The following RARB variants were observed in gnomAD, a reference collection of about 807,000 sequenced individuals.
RARB encodes retinoic acid receptor beta.
A neutral mutation model predicts 51.9 loss-of-function variants in RARB; 17 were observed. The observed-to-expected ratio is 0.33, with a 90% CI of 0.22 to 0.49. The LOEUF (loss-of-function observed/expected upper bound fraction) is 0.49. Among genes scored for constraint, RARB ranks in the 20% least tolerant of loss-of-function variants. The pLI is 0.99. For synonymous variants in RARB, 215 were observed against 195.4 expected, an observed-to-expected ratio of 1.10 and a Z score of -0.84; for missense variants, 369 against 550.8, an observed-to-expected ratio of 0.67 and a Z score of 3.30.
At chr3:25,319,742 T>C (rs1704516925) in intron 5 of RARB, among the ~76,000 whole-genome samples, 1 of 152,164 alleles carries the variant, frequency 6.6e-6, no homozygotes, top group South Asian at 2.1e-4. Flanking sequence ...AACCCTGCAT[T>C]TGTAGAGTTA....
chr3:24,994,103 C>A (rs2125436936), intron 2 of RARB, among the ~76,000 whole-genome samples: 1 of 152,270 alleles, frequency 6.6e-6, no homozygotes, highest in South Asian at 2.1e-4. Flanking sequence ...GGTGGCTGTA[C>A]TAGTTTACAT....
At chr3:25,427,801 G>A (rs961390624), upstream of RARB, among the ~76,000 whole-genome samples, 1 of 152,136 alleles carries the variant, frequency 6.6e-6, no homozygotes, top group African/African-American at 2.4e-5. Flanking sequence ...TTTTTCTGGA[G>A]TGGAAAAATA....
At chr3:24,974,868 T>C (rs541206722) in intron 2 of RARB, among the ~76,000 whole-genome samples, 2 of 152,274 alleles carry the variant, frequency 1.3e-5, no homozygotes, top group Admixed American at 6.5e-5. Flanking sequence ...TCATTTGCTC[T>C]CTAGTCAGGG....
intron 5 of RARB, among the ~76,000 whole-genome samples, chr3:25,202,697 C>G (rs1465676538): frequency 4.6e-5 from 7 of 152,186 alleles, no homozygotes; most frequent in African/African-American, 1.4e-4. Flanking sequence ...TATATACCCA[C>G]TAGTCATTCA....
intron 5 of RARB, among the ~76,000 whole-genome samples, chr3:25,182,879 G>T (rs1380356236): frequency 6.6e-6 from 1 of 152,112 alleles, no homozygotes; most frequent in African/African-American, 2.4e-5. Context: ...ATAAAAGGGG[G>T]AAATTTAAAC....
At chr3:25,067,715 C>G (rs557164550) in intron 3 of RARB, among the ~76,000 whole-genome samples, 2 of 152,330 alleles carry the variant, frequency 1.3e-5, no homozygotes, top group Admixed American at 1.3e-4. Context: ...GCTTGCACCA[C>G]TATTGCCTTC....
At chr3:25,209,152 G>A (rs548706004) in intron 5 of RARB, among the ~76,000 whole-genome samples, 5 of 152,318 alleles carry the variant, frequency 3.3e-5, no homozygotes, top group South Asian at 2.1e-4. Context: ...TTGGCTTTGC[G>A]TTTTCATGGG....
At chr3:24,978,660 A>G (rs769162118) in intron 2 of RARB, among the ~76,000 whole-genome samples, 2 of 149,810 alleles carry the variant, frequency 1.3e-5, no homozygotes, top group Non-Finnish European at 3.0e-5. Flanking sequence ...TTCTTTATTA[A>G]TCTTGCTATC....
At chr3:25,590,202 C>T (rs1701561478) in intron 5 of RARB, among the ~76,000 whole-genome samples, 1 of 152,206 alleles carries the variant, frequency 6.6e-6, no homozygotes, top group African/African-American at 2.4e-5. Flanking sequence ...TTAAATGACT[C>T]ATCAGAATCC....
At chr3:25,099,552 C>T (rs189414124) in intron 3 of RARB, among the ~76,000 whole-genome samples, 1 of 150,130 alleles carries the variant, frequency 6.7e-6, no homozygotes, top group Non-Finnish European at 1.5e-5. Flanking sequence ...TATTATTATA[C>T]TATTAACATT....
chr3:25,450,740 T>C (rs559172080), intron 1 of RARB, among the ~76,000 whole-genome samples: 2 of 152,058 alleles, frequency 1.3e-5, no homozygotes, highest in Admixed American at 1.3e-4. Flanking sequence ...CAGCCAGAAA[T>C]GTCTCCTGAT....
intron 2 of RARB, among the ~76,000 whole-genome samples, chr3:25,042,468 T>C (rs193259095): frequency 1.0e-3 from 154 of 152,320 alleles, no homozygotes; most frequent in Non-Finnish European, 1.7e-3. Flanking sequence ...TGCAGAATAC[T>C]TAGTGTCTGC....
At chr3:25,073,375 T>C (rs1481501877) in intron 3 of RARB, among the ~76,000 whole-genome samples, 1 of 152,256 alleles carries the variant, frequency 6.6e-6, no homozygotes, top group African/African-American at 2.4e-5. Flanking sequence ...CATCACTTGA[T>C]AATCTCTATG....
At chr3:25,166,545 A>G (rs1421761812) in intron 4 of RARB, among the ~76,000 whole-genome samples, 1 of 152,246 alleles carries the variant, frequency 6.6e-6, no homozygotes, top group East Asian at 1.9e-4. Flanking sequence ...CAGCCAAAGA[A>G]GTACAAAAGA....
chr3:24,869,649 A>C (rs1294632442), intron 2 of RARB, among the ~76,000 whole-genome samples: 1 of 152,122 alleles, frequency 6.6e-6, no homozygotes, highest in Non-Finnish European at 1.5e-5. Context: ...AAATATCTGC[A>C]TAATACTTCA....
intron 2 of RARB, among the ~76,000 whole-genome samples, chr3:25,040,905 A>G (rs1698099965): frequency 1.3e-5 from 2 of 152,210 alleles, no homozygotes; most frequent in African/African-American, 4.8e-5. Context: ...ATAAGCCTGA[A>G]TGATTCAAAG....
At chr3:24,918,061 G>T (rs921639678) in intron 2 of RARB, among the ~76,000 whole-genome samples, 1 of 152,152 alleles carries the variant, frequency 6.6e-6, no homozygotes, top group Non-Finnish European at 1.5e-5. Flanking sequence ...CTATGCAAAC[G>T]AAAGGAAAAC....
chr3:25,341,327 T>A (rs1313550440), intron 5 of RARB, among the ~76,000 whole-genome samples: 4 of 152,128 alleles, frequency 2.6e-5, no homozygotes, highest in African/African-American at 9.7e-5. Context: ...ACATCTTCCA[T>A]CTGTGAAAAA....
chr3:24,852,597 AAAAAT>A (rs1702574263), intron 1 of RARB, among the ~76,000 whole-genome samples: 1 of 152,244 alleles, frequency 6.6e-6, no homozygotes, highest in African/African-American at 2.4e-5. Context: ...CCCAACAAAA[AAAAAT>A]AAATGTCCAC....
Sources: gnomAD v4.1 joint callset for allele counts (sites outside exome capture counted in the v4.1 genomes callset) on GRCh38, gnomAD v4.1.1 for gene constraint, MANE v1.5 for transcripts, NCBI Gene and HGNC (gene_info 2026-07-23, HGNC 2026-07-21) for gene names.